The following CEP70 variants were observed in gnomAD, a reference collection of about 807,000 sequenced individuals.
CEP70 encodes centrosomal protein 70.
CEP70 carries 70 observed loss-of-function variants against 90.9 expected under a neutral mutation model. The ratio of observed to expected loss-of-function variants is 0.77; its 90% CI spans 0.64 to 0.94. The LOEUF (loss-of-function observed/expected upper bound fraction) is 0.94, where lower values mean the gene tolerates loss of function less well. Among genes scored for constraint, CEP70 ranks in the 40% least tolerant of loss-of-function variants. The probability of loss-of-function intolerance (pLI) is 0.00; values close to 1 mark genes in which losing one functional copy is unlikely to be tolerated. For missense variants in CEP70, 648 were observed against 669.0 expected (o/e 0.97, Z 0.35); for synonymous variants, 220 against 228.3 (o/e 0.96, Z 0.33).
At chr3:138,579,634 C>A (rs2041745078) in intron 2 of CEP70, among the ~76,000 whole-genome samples, 1 of 151,850 alleles carries the variant, frequency 6.6e-6, no homozygotes, top group Non-Finnish European at 1.5e-5. Context: ...AGCCCACTGC[C>A]TTGGAGGGAA....
chr3:138,527,490 C>T (rs1055461228), intron 10 of CEP70, among the ~76,000 whole-genome samples: 4 of 151,582 alleles, frequency 2.6e-5, no homozygotes, highest in Non-Finnish European at 5.9e-5. Flanking sequence ...GTCAGGAGAT[C>T]GAGACCATCC....
chr3:138,497,673 G>A (rs1382234017), intron 17 of CEP70: 1 of 981,654 alleles, frequency 1.0e-6, no homozygotes, highest in Non-Finnish European at 1.2e-6. Flanking sequence ...TAGATAGGTG[G>A]TATCTTAAGA....
At position 138,495,055 on chromosome 3, in the gene CEP70, A is replaced by G. The variant is rs1435476654; in HGVS notation, c.1754T>C (p.Ile585Thr). Residue 585 changes from isoleucine (I) to threonine (T), a missense_variant, in exon 18 of 18, where the codon ATT becomes ACT. By Grantham distance (89) the Ile-to-Thr change is moderately conservative. Transcript: ENST00000264982. ...EILEIDDLDA[I>T]VPAVKKLKVL... is the part of the protein sequence containing the mutation. ...TTTTAATTTCTTTACTGCAGGTACA[A>G]TGGCATCCAAGTCATCAATTTCTGT... The G allele has an allele frequency of 1.9e-5, 30 of 1,558,588 alleles. No individual in the cohort carries two copies. Among genetic ancestry groups the G allele is most frequent in the African/African-American group, 2.7e-5 (2 of 73,550 alleles).
intron 6 of CEP70, among the ~76,000 whole-genome samples, chr3:138,539,463 T>A (rs1241808841): frequency 1.3e-5 from 2 of 152,146 alleles, no homozygotes; most frequent in African/African-American, 4.8e-5. Context: ...AGTGAAATTT[T>A]AAAAAGGTAT....
intron 6 of CEP70, among the ~76,000 whole-genome samples, chr3:138,569,895 G>T (rs961163169): frequency 1.3e-5 from 2 of 152,098 alleles, no homozygotes. Context: ...AACAAACAAA[G>T]TTGTAGATGC....
Position 138,591,869 on chromosome 3 carries a change from T to C in CEP70, c.-21A>G, listed in dbSNP as rs1267553970. 20 of 1,525,224 alleles carry C rather than the reference T, an allele frequency of 1.3e-5. No homozygotes were observed. The highest frequency in any genetic ancestry group is 2.0e-5 in the Admixed American group (1 of 49,082). 94.5% of individuals were successfully genotyped at this position (1,525,224 alleles called of 1,614,324 possible). On this transcript the variant is annotated 5_prime_UTR_variant, in exon 2 of 18. An upstream open reading frame in the 5' UTR loses its in-frame stop. Coordinates refer to ENST00000264982, the MANE Select transcript of CEP70 (RefSeq NM_024491.4). ...TTAGACATACCTCAGTCATAGCATATTACTCTTGCACTTTACACCTGGTCA... is the reference window on the plus strand; with the variant it reads ...TTAGACATACCTCAGTCATAGCATACTACTCTTGCACTTTACACCTGGTCA...
chr3:138,573,461 G>A (rs1226395822), intron 2 of CEP70, among the ~76,000 whole-genome samples: 2 of 151,328 alleles, frequency 1.3e-5, no homozygotes, highest in Non-Finnish European at 2.9e-5. Flanking sequence ...GAAAATAATT[G>A]CTTATCTAAA....
intron 12 of CEP70, among the ~76,000 whole-genome samples, chr3:138,506,659 T>C (rs1329440732): frequency 6.6e-6 from 1 of 152,236 alleles, no homozygotes; most frequent in Non-Finnish European, 1.5e-5. Flanking sequence ...TTAAGATGTT[T>C]ATTACTTCAG....
Position 138,527,861 on chromosome 3 carries a change from C to T in CEP70, c.869+1338G>A, listed in dbSNP as rs115940989. ...GAGCCACTGCACCTAGCCTCCAAGG[C>T]GATTATCTTGACTGTGATTGTTAGG... is the stretch of plus-strand genomic sequence containing the variant. On this transcript the variant is annotated intron_variant, in intron 10 of 17. Transcript: ENST00000264982. 4.8e-3 allele frequency among the ~76,000 whole-genome samples: 722 copies of T among 151,872 alleles called. 4 individuals carry two copies. Among genetic ancestry groups the T allele is most frequent in the African/African-American group, 0.017 (695 of 41,414 alleles).
chr3:138,581,293 A>C (rs560053814), intron 2 of CEP70, among the ~76,000 whole-genome samples: 1 of 151,908 alleles, frequency 6.6e-6, no homozygotes. Flanking sequence ...AAAAAAAAAA[A>C]AAAGAAAGAA....
chr3:138,578,052 G>C (rs1013783616), intron 2 of CEP70, among the ~76,000 whole-genome samples: 5 of 152,138 alleles, frequency 3.3e-5, no homozygotes, highest in African/African-American at 9.7e-5. Flanking sequence ...CTATACATGG[G>C]GATTGGTTTC....
At chr3:138,514,141 T>C (rs2035788099) in intron 11 of CEP70, among the ~76,000 whole-genome samples, 1 of 152,198 alleles carries the variant, frequency 6.6e-6, no homozygotes. Context: ...CTCAGCAATG[T>C]CTTTCTTGGG....
At chr3:138,571,377 G>GA in intron 3 of CEP70, 21 bp from the exon 4 acceptor site, 1 of 1,487,974 alleles carries the variant, frequency 6.7e-7, no homozygotes, top group Non-Finnish European at 9.3e-7. Flanking sequence ...AGAAAGAGAA[G>GA]AAAGGGTTAA....
chr3:138,546,022 C>A (rs1483688140), intron 6 of CEP70, among the ~76,000 whole-genome samples: 1 of 152,114 alleles, frequency 6.6e-6, no homozygotes, highest in African/African-American at 2.4e-5. Context: ...ATCTTTATTG[C>A]CCTTTAAAGC....
At chr3:138,503,374 T>C (rs866779564) in intron 13 of CEP70, among the ~76,000 whole-genome samples, 2 of 152,308 alleles carry the variant, frequency 1.3e-5, no homozygotes, top group Middle Eastern at 3.4e-3. Flanking sequence ...GGCTGAATAA[T>C]ATTGCAATAT....
At chr3:138,521,494 G>C in intron 11 of CEP70, among the ~76,000 whole-genome samples, 1 of 151,148 alleles carries the variant, frequency 6.6e-6, no homozygotes, top group East Asian at 2.0e-4. Context: ...TCTCTGCCTG[G>C]CTGCCCATTG....
chr3:138,580,939 C>A (rs1259264506), intron 2 of CEP70, among the ~76,000 whole-genome samples: 2 of 151,800 alleles, frequency 1.3e-5, no homozygotes, highest in African/African-American at 4.8e-5. Context: ...AATCAGTGAG[C>A]CTGAACACAG....
rs551014107 is a variant in CEP70 at position 138,588,157 on chromosome 3, A to G, written c.-6+3697T>C. Among the ~76,000 whole-genome samples, 3 of 152,318 alleles carry G rather than the reference A, an allele frequency of 2.0e-5. No homozygotes were observed. The East Asian group carries it at 5.8e-4, about 29-fold the overall frequency. On this transcript the variant is annotated intron_variant, in intron 2 of 17. Transcript: ENST00000264982. ...TTAAAATCACAACATGTCTAGAAAA[A>G]CACAGAAAAACTGTATGGCCTTGAG...
intron 7 of CEP70, among the ~76,000 whole-genome samples, chr3:138,534,615 G>A (rs190945502): frequency 5.1e-4 from 78 of 152,268 alleles, no homozygotes; most frequent in African/African-American, 1.4e-3. Context: ...CAACACTGCC[G>A]ATCACCCTCT....
Sources: allele counts gnomAD v4.1 joint callset (sites outside exome capture counted in the v4.1 genomes callset), GRCh38; gene constraint gnomAD v4.1.1; transcripts MANE v1.5; gene names NCBI Gene and HGNC (gene_info 2026-07-23, HGNC 2026-07-21).